Variants in PHF13 observed in about 807,000 individuals in gnomAD.
The protein encoded by PHF13 is PHD finger protein 13.
In PHF13, 1 loss-of-function variant was observed where a neutral mutation model predicts 25.8. The observed-to-expected ratio is 0.04, with a 90% CI of 0.01 to 0.18. PHF13 has a LOEUF of 0.18. Ranked by LOEUF, PHF13 falls within the 10% of genes least tolerant of loss-of-function variation. The pLI, the probability that PHF13 is intolerant of heterozygous loss-of-function variation, is 1.00. For missense variants in PHF13, 306 were observed against 403.2 expected (o/e 0.76, Z 2.06); for synonymous variants, 195 against 162.4 (o/e 1.20, Z -1.53).
In PHF13 at chr1:6,622,810, G is replaced by A. The variant is rs1366046242; in HGVS notation, c.*1173G>A. On this transcript the variant is annotated 3_prime_UTR_variant, in exon 4 of 4. Coordinates refer to ENST00000377648, the MANE Select transcript of PHF13 (RefSeq NM_153812.3). ...GATCCTGGACCTGGGAGGCCCCTGT[G>A]AGGGCCAGCTCTGGAAAAACCTGGG... 6.6e-6 allele frequency: 1 copy of A among 152,190 alleles called. No individual in the cohort carries two copies. The highest frequency in any genetic ancestry group is 1.5e-5 in the Non-Finnish European group (1 of 68,062). The allele number at this position is 152,190 out of a possible 1,614,324, so 9.4% of individuals were successfully genotyped here.
At chr1:6,617,111 C>G (rs1392131518) in intron 2 of PHF13, among the ~76,000 whole-genome samples, 4 of 151,636 alleles carry the variant, frequency 2.6e-5, no homozygotes, top group Non-Finnish European at 5.9e-5. Flanking sequence ...AGTAAACTTT[C>G]TTTTTTTTTG....
chr1:6,616,769 A>G lies in PHF13; in HGVS notation c.52A>G (p.Ser18Gly), dbSNP rs771584567. 6.2e-7 allele frequency: 1 copy of G among 1,613,946 alleles called. No homozygotes were observed. Among genetic ancestry groups the G allele is most frequent in the South Asian group, 1.1e-5 (1 of 91,082 alleles). Reference sequence around the variant, plus strand: ...CTCCCCTTAATAGGAATACTCCCCCAGTTGCAAGAGGCGCAGGACCGTGGA... The same window carrying G: ...CTCCCCTTAATAGGAATACTCCCCCGGTTGCAAGAGGCGCAGGACCGTGGA... The part of the protein sequence containing the change: ...AAFHPEEYSP[S>G]CKRRRTVEDF... The change falls in exon 2 of 4, where the codon AGT becomes GGT. Residue 18 changes from serine (S) to glycine (G), a missense_variant. Physicochemically the swap from Ser to Gly is moderately conservative, Grantham distance 56 (BLOSUM62 0). Transcript: ENST00000377648.
chr1:6,615,000 C>T (rs1052936543), intron 1 of PHF13, among the ~76,000 whole-genome samples: 5 of 151,458 alleles, frequency 3.3e-5, no homozygotes, highest in Non-Finnish European at 4.4e-5. Flanking sequence ...CGGAATCCTG[C>T]CTGGCGCACC....
Position 6,616,864 on chromosome 1 carries a change from C to G in PHF13, c.141+6C>G. ...ACATCCCTTATCCGAAGGAGGTAAT[C>G]TTCTGAGTTTCTGAGACCTTTCTTG... On this transcript the variant is annotated splice_donor_region_variant and intron_variant, in intron 2 of 3. Coordinates refer to ENST00000377648, the MANE Select transcript of PHF13 (RefSeq NM_153812.3). The G allele has an allele frequency of 6.2e-7, 1 of 1,611,782 alleles. No homozygotes were observed. Among genetic ancestry groups the G allele is most frequent in the Non-Finnish European group, 8.5e-7 (1 of 1,177,876 alleles).
Position 6,623,755 on chromosome 1 carries a change from C to T in PHF13, c.*2118C>T, listed in dbSNP as rs1486853222. ...TTAGATTGAGCTGGGCAGCTGCAAT[C>T]AGCTTCTTTATATGCAAATTAGGCA... On this transcript the variant is annotated 3_prime_UTR_variant, in exon 4 of 4. Transcript: ENST00000377648. 1 of 152,618 alleles carries T rather than the reference C, an allele frequency of 6.6e-6. No homozygotes were observed. Among genetic ancestry groups the T allele is most frequent in the Non-Finnish European group, 1.5e-5 (1 of 68,042 alleles). The allele number at this position is 152,618 out of a possible 1,614,324, so 9.5% of individuals were successfully genotyped here.
Position 6,621,877 on chromosome 1 carries a change from G to C in PHF13, c.*240G>C, listed in dbSNP as rs906295934. 4 of 570,306 alleles carry C rather than the reference G, an allele frequency of 7.0e-6. No homozygotes were observed. The Admixed American group carries it at 1.2e-4, about 17-fold the overall frequency. The allele number at this position is 570,306 out of a possible 1,614,324, so 35.3% of individuals were successfully genotyped here. On this transcript the variant is annotated 3_prime_UTR_variant, in exon 4 of 4. Transcript: ENST00000377648. This position sits in a 1 kb window ranked among gnomAD's most constrained non-coding sequence, Gnocchi z 4.8. Reference sequence around the variant, plus strand: ...CGTTCCCTGCAGTGGAGGTGGACTGGACACCCACGTGCAGCGGGTTTGGCT... The same window carrying C: ...CGTTCCCTGCAGTGGAGGTGGACTGCACACCCACGTGCAGCGGGTTTGGCT...
Position 6,621,556 on chromosome 1 carries a change from C to T in PHF13, c.822C>T (p.Cys274=). 6.2e-7 allele frequency: 1 copy of T among 1,614,202 alleles called. No individual in the cohort carries two copies. The highest frequency in any genetic ancestry group is 1.1e-5 in the South Asian group (1 of 91,082). ...CCAATGTTCCAGAAGTGTTTGTCTG[C>T]CAAAAGTGCCGGGACTCCAAGTTTG... ...RKSNVPEVFV[C]QKCRDSKFDI... Residue 274 remains cysteine, a synonymous_variant, in exon 4 of 4, where the codon TGC becomes TGT. Coordinates refer to ENST00000377648, the MANE Select transcript of PHF13 (RefSeq NM_153812.3). This position sits in a 1 kb window ranked among gnomAD's most constrained non-coding sequence, Gnocchi z 4.8.
chr1:6,614,651 C>G (rs919405054), intron 1 of PHF13: 2 of 150,576 alleles, frequency 1.3e-5, no homozygotes, highest in Non-Finnish European at 3.0e-5. Flanking sequence ...CTACGGCTCT[C>G]GGGGGCCGCG....
At chr1:6,616,665 C>A in intron 1 of PHF13, 92 bp from the exon 2 acceptor site, 1 of 1,047,842 alleles carries the variant, frequency 9.5e-7, no homozygotes, top group Non-Finnish European at 1.5e-6. Context: ...GAGTGATTGA[C>A]TACAAAAGTT....
chr1:6,613,753 C>T lies in PHF13; in HGVS notation c.-314C>T, dbSNP rs1360276710. On this transcript the variant is annotated 5_prime_UTR_variant, in exon 1 of 4. Coordinates refer to ENST00000377648, the MANE Select transcript of PHF13 (RefSeq NM_153812.3). ...CCCGCCCTCCCTCCCGAGACACGAG[C>T]CGAACTGGGCGTCAGGTCGGGGAGC... 5.5e-5 allele frequency: 12 copies of T among 216,658 alleles called. No homozygotes were observed. Among genetic ancestry groups the T allele is most frequent in the Non-Finnish European group, 8.4e-5 (9 of 107,394 alleles). The allele number at this position is 216,658 out of a possible 1,614,324, so 13.4% of individuals were successfully genotyped here.
At chr1:6,614,470 C>G (rs976237541) in intron 1 of PHF13, 2 of 230,572 alleles carry the variant, frequency 8.7e-6, no homozygotes, top group African/African-American at 4.7e-5. Context: ...CCCCCGGGGA[C>G]GCGGTCCGAG....
At chr1:6,617,726 GCTGT>G (rs1400739387) in intron 2 of PHF13, among the ~76,000 whole-genome samples, 1 of 152,186 alleles carries the variant, frequency 6.6e-6, no homozygotes, top group Non-Finnish European at 1.5e-5. Flanking sequence ...ACTGCACCTG[GCTGT>G]CTGCTTGCTT....
intron 1 of PHF13, chr1:6,614,740 T>TCGGGCCC (rs1641230702): frequency 7.0e-6 from 1 of 143,856 alleles, no homozygotes; most frequent in South Asian, 2.3e-4. Context: ...GCCTCTCTCT[T>TCGGGCCC]CGGGCCCCCG....
Position 6,613,855 on chromosome 1 carries a change from A to G in PHF13, c.-212A>G, listed in dbSNP as rs1278607542. The G allele has an allele frequency of 4.4e-6, 2 of 455,410 alleles. No individual in the cohort carries two copies. The highest frequency in any genetic ancestry group is 7.8e-6 in the Non-Finnish European group (2 of 257,834). 28.2% of individuals were successfully genotyped at this position (455,410 alleles called of 1,614,324 possible). On this transcript the variant is annotated 5_prime_UTR_variant, in exon 1 of 4. Transcript: ENST00000377648. ...CCGCCTCTACCGCCGCGGGAGCTGCATCGTCCACTCCGGTCGGCGGTGGAA... is the reference window on the plus strand; with the variant it reads ...CCGCCTCTACCGCCGCGGGAGCTGCGTCGTCCACTCCGGTCGGCGGTGGAA...
At chr1:6,615,928 C>T (rs1004044543) in intron 1 of PHF13, among the ~76,000 whole-genome samples, 1 of 151,566 alleles carries the variant, frequency 6.6e-6, no homozygotes, top group South Asian at 2.1e-4. Flanking sequence ...CCTCTGAGCA[C>T]GAGAGAGGGG....
chr1:6,613,892 G>A lies in PHF13; in HGVS notation c.-175G>A. 1.9e-6 allele frequency: 1 copy of A among 520,950 alleles called. No individual in the cohort carries two copies. Among genetic ancestry groups the A allele is most frequent in the Non-Finnish European group, 3.3e-6 (1 of 298,582 alleles). The allele number at this position is 520,950 out of a possible 1,614,324, so 32.3% of individuals were successfully genotyped here. ...GGTCGGCGGTGGAACCGCCAGTCCGGGGTCACAGAGCTTGAGAAGCGACGC... is the reference window on the plus strand; with the variant it reads ...GGTCGGCGGTGGAACCGCCAGTCCGAGGTCACAGAGCTTGAGAAGCGACGC... On this transcript the variant is annotated 5_prime_UTR_variant, in exon 1 of 4. Coordinates refer to ENST00000377648, the MANE Select transcript of PHF13 (RefSeq NM_153812.3).
rs778607373 is a variant in PHF13, at chr1:6,620,035, G to A, written c.374G>A (p.Arg125Lys). The A allele has an allele frequency of 7.4e-6, 12 of 1,613,686 alleles. No individual in the cohort carries two copies. The stretch of plus-strand genomic sequence containing the variant: ...AAGAAGAAGAAGAAGAGGAAGCGCA[G>A]GGACAGTGATGCGCCTGGGAAAGAG... ...KLKKKKKRKR[R>K]DSDAPGKEGY... Residue 125 changes from arginine to lysine, a missense_variant, in exon 3 of 4, where the codon AGG (arginine) becomes AAG (lysine). Around this residue, in one of 5 missense-constraint regions of PHF13, gnomAD observed 186 missense variants for 164.0 expected, o/e 1.13. Coordinates refer to ENST00000377648, the MANE Select transcript of PHF13 (RefSeq NM_153812.3).
At chr1:6,619,400 G>T (rs936625312) in intron 2 of PHF13, among the ~76,000 whole-genome samples, 1 of 151,974 alleles carries the variant, frequency 6.6e-6, no homozygotes, top group Non-Finnish European at 1.5e-5. Context: ...ACCAAGGCTG[G>T]AGTGCAGTGG....
intron 1 of PHF13, among the ~76,000 whole-genome samples, chr1:6,615,019 A>G (rs1641238182): frequency 2.0e-5 from 3 of 147,584 alleles, no homozygotes; most frequent in East Asian, 4.1e-4. Context: ...CCCCCCTCAC[A>G]CATACTCGCG....
Sources: allele counts gnomAD v4.1 joint callset (sites outside exome capture counted in the v4.1 genomes callset), GRCh38; gene constraint gnomAD v4.1.1; regional missense constraint gnomAD v4.1.1; non-coding constraint Gnocchi (gnomAD v3.1); transcripts MANE v1.5; gene names NCBI Gene and HGNC (gene_info 2026-07-23, HGNC 2026-07-21).